Variants in SCN10A observed in about 807,000 individuals in gnomAD.
The protein encoded by SCN10A is sodium channel protein type 10 subunit alpha.
Under a neutral mutation model 170.7 loss-of-function variants are expected in SCN10A, and 162 were observed. The ratio of observed to expected loss-of-function variants is 0.95; its 90% CI spans 0.84 to 1.08. SCN10A has a LOEUF of 1.08. Ranked by LOEUF, SCN10A falls within the 50% of genes least tolerant of loss-of-function variation. SCN10A has a pLI of 0.00. For missense variants in SCN10A, 2,527 were observed against 2,436.9 expected, an observed-to-expected ratio of 1.04 and a Z score of -0.78; for synonymous variants, 985 against 904.6, an observed-to-expected ratio of 1.09 and a Z score of -1.59.
intron 1 of SCN10A, among the ~76,000 whole-genome samples, chr3:38,800,531 T>A (rs11715346): frequency 1.3e-5 from 2 of 152,152 alleles, no homozygotes; most frequent in Non-Finnish European, 2.9e-5. Context: ...AGGGCCTGGA[T>A]GAAAATCTTT....
Position 38,698,212 on chromosome 3 carries a change from T to A in SCN10A, c.5008A>T (p.Ile1670Phe), listed in dbSNP as rs2063117353. The A allele has an allele frequency of 6.2e-7, 1 of 1,614,036 alleles. No homozygotes were observed. Among genetic ancestry groups the A allele is most frequent in the South Asian group, 1.1e-5 (1 of 91,070 alleles). Residue 1670 changes from isoleucine (I) to phenylalanine (F), a missense_variant, in exon 28 of 28, where the codon ATC (isoleucine) becomes TTC (phenylalanine). Transcript: ENST00000449082. ...SAGWDGLLSP[I>F]LNTGPPYCDP... ...CAGTAGGGGGGCCCTGTGTTGAGGA[T>A]GGGGCTGAGGAGGCCATCCCAGCCG...
chr3:38,804,684 A>T (rs2064394752), intron 1 of SCN10A, among the ~76,000 whole-genome samples: 1 of 152,164 alleles, frequency 6.6e-6, no homozygotes, highest in South Asian at 2.1e-4. Context: ...TTGTGAGTCC[A>T]GGGTGGATAG....
chr3:38,750,728 C>G (rs2063738304), intron 12 of SCN10A, among the ~76,000 whole-genome samples: 1 of 152,074 alleles, frequency 6.6e-6, no homozygotes, highest in Non-Finnish European at 1.5e-5. Flanking sequence ...AAATATAGGT[C>G]CATACTAAAC....
rs776994087 is a variant in SCN10A, at chr3:38,750,096, C to T, written c.1844G>A (p.Ser615Asn). ...ACCCTCAAGGACGGAGGTTATGATA[C>T]TGACAACACTCATTGCCCTTTGGGC... ...FRAQRAMSVV[S>N]IITSVLEELE... The change falls in exon 13 of 28, where the codon AGT becomes AAT. Residue 615 changes from serine (S) to asparagine (N), a missense_variant. Transcript: ENST00000449082. 2.5e-5 allele frequency: 40 copies of T among 1,608,984 alleles called. No homozygotes were observed. Among genetic ancestry groups the T allele is most frequent in the Non-Finnish European group, 3.3e-5 (39 of 1,175,610 alleles).
At chr3:38,721,485 G>C (rs944136753) in intron 20 of SCN10A, among the ~76,000 whole-genome samples, 2 of 152,220 alleles carry the variant, frequency 1.3e-5, no homozygotes, top group Non-Finnish European at 2.9e-5. Flanking sequence ...GAGTAGTTGA[G>C]ATTGTGTAAG....
intron 8 of SCN10A, among the ~76,000 whole-genome samples, chr3:38,759,559 C>T (rs763709961): frequency 5.3e-5 from 8 of 152,164 alleles, no homozygotes; most frequent in Admixed American, 6.5e-5. Flanking sequence ...CACAGGGTAG[C>T]ATCTTTATGT....
intron 14 of SCN10A, among the ~76,000 whole-genome samples, chr3:38,740,328 G>T (rs1160044219): frequency 6.6e-6 from 1 of 152,188 alleles, no homozygotes; most frequent in Non-Finnish European, 1.5e-5. Context: ...CCAGGCTCGG[G>T]TAACACAACA....
rs1161786818 is a variant in SCN10A at position 38,742,409 on chromosome 3, G to A, written c.1988C>T (p.Thr663Met). 5 of 1,614,024 alleles carry A rather than the reference G, an allele frequency of 3.1e-6. No homozygotes were observed. In the South Asian group the frequency reaches 3.3e-5, roughly 11 times the overall value. ...KLKTILFGLV[T>M]DPFAELTITL... ...GATGGTGAGCTCTGCAAAGGGATCC[G>A]TCACAAGCCCAAAGAGAATTGTCTT... The change falls in exon 14 of 28, where the codon ACG becomes ATG. Residue 663 changes from threonine to methionine, a missense_variant. Thr to Met is a moderately conservative substitution (Grantham distance 81). Coordinates refer to ENST00000449082, the MANE Select transcript of SCN10A (RefSeq NM_006514.4).
chr3:38,795,946 C>T (rs928291267), intron 1 of SCN10A, among the ~76,000 whole-genome samples: 19 of 152,100 alleles, frequency 1.2e-4, no homozygotes, highest in African/African-American at 3.4e-4. Flanking sequence ...AGTGGCAGAA[C>T]GGTACTTAAA....
chr3:38,703,972 G>A (rs1228488818), intron 26 of SCN10A, among the ~76,000 whole-genome samples: 1 of 152,196 alleles, frequency 6.6e-6, no homozygotes, highest in Non-Finnish European at 1.5e-5. Flanking sequence ...GCAGCTCTGA[G>A]TTAACCATAG....
rs375425965 is a variant in SCN10A at position 38,789,036 on chromosome 3, C to T, written c.390G>A (p.Ser130=). The stretch of plus-strand genomic sequence containing the variant: ...TGACCGTAATAAATAAACTGAACCA[C>T]CTGAAAGGCCTGTGTTAAGGAAAAG... The part of the protein sequence containing the change: ...RRTAIKVSVH[S]WFSLFITVTI... Residue 130 remains serine, a splice_region_variant and synonymous_variant, in exon 4 of 28, where the codon TCG becomes TCA. Transcript: ENST00000449082. 1 of 1,599,000 alleles carries T rather than the reference C, an allele frequency of 6.3e-7. No individual in the cohort carries two copies. Among genetic ancestry groups the T allele is most frequent in the Non-Finnish European group, 8.6e-7 (1 of 1,166,698 alleles).
intron 1 of SCN10A, among the ~76,000 whole-genome samples, chr3:38,800,502 G>C (rs181023447): frequency 8.1e-4 from 123 of 152,324 alleles, no homozygotes; most frequent in Admixed American, 1.6e-3. Flanking sequence ...GTGAAGCCAT[G>C]ATCTACTCCC....
chr3:38,813,073 A>G (rs2064450894), intron 1 of SCN10A, among the ~76,000 whole-genome samples: 1 of 151,342 alleles, frequency 6.6e-6, no homozygotes, highest in Admixed American at 6.6e-5. Context: ...GTTATTCACA[A>G]CCTCCCTCAA....
Position 38,750,085 on chromosome 3 carries a change from A to C in SCN10A, c.1855T>G (p.Ser619Ala). The change falls in exon 13 of 28, where the codon TCC (serine) becomes GCC (alanine). Residue 619 changes from serine to alanine, a missense_variant. Ser to Ala is a moderately conservative substitution (Grantham distance 99). Coordinates refer to ENST00000449082, the MANE Select transcript of SCN10A (RefSeq NM_006514.4). ...RAMSVVSIIT[S>A]VLEELEESEQ... ...GAGCAGCACTTACCCTCAAGGACGG[A>C]GGTTATGATACTGACAACACTCATT... The C allele has an allele frequency of 6.3e-7, 1 of 1,597,644 alleles. No individual in the cohort carries two copies.
At chr3:38,706,606 T>C (rs2063213598) in intron 26 of SCN10A, among the ~76,000 whole-genome samples, 1 of 152,236 alleles carries the variant, frequency 6.6e-6, no homozygotes, top group South Asian at 2.1e-4. Flanking sequence ...TGATGTTTTC[T>C]ATCTTCTGGC....
At chr3:38,777,825 T>A (rs1004999591) in intron 4 of SCN10A, among the ~76,000 whole-genome samples, 1 of 152,016 alleles carries the variant, frequency 6.6e-6, no homozygotes, top group Non-Finnish European at 1.5e-5. Context: ...TGGGAAATGA[T>A]GTATTGAAAA....
Position 38,723,412 on chromosome 3 carries a change from C to T in SCN10A, c.3352+18G>A. ...CTAATTAACATCAGTGTGAGGGGGC[C>T]TGTGGCTGTCCCTTCACCTTCTGTG... On this transcript the variant is annotated intron_variant, in intron 19 of 27. Transcript: ENST00000449082. 6.2e-7 allele frequency: 1 copy of T among 1,613,946 alleles called. No homozygotes were observed. Among genetic ancestry groups the T allele is most frequent in the East Asian group, 2.2e-5 (1 of 44,884 alleles).
chr3:38,699,083 C>T (rs546311890), intron 27 of SCN10A, among the ~76,000 whole-genome samples: 1 of 152,128 alleles, frequency 6.6e-6, no homozygotes, highest in East Asian at 1.9e-4. Flanking sequence ...GGTCCTGTGG[C>T]TAATTGTACG....
At chr3:38,742,190 A>T in intron 14 of SCN10A, 101 bp downstream of exon 14, 2 of 785,088 alleles carry the variant, frequency 2.5e-6, no homozygotes, top group South Asian at 3.2e-5. Context: ...CAACACACTA[A>T]CCAATAAGGG....
Sources: allele counts gnomAD v4.1 joint callset (sites outside exome capture counted in the v4.1 genomes callset), GRCh38; gene constraint gnomAD v4.1.1; transcripts MANE v1.5; gene names NCBI Gene and HGNC (gene_info 2026-07-23, HGNC 2026-07-21).